The following TECRL variants were observed in gnomAD, a reference collection of about 807,000 sequenced individuals.
The protein encoded by TECRL is trans-2,3-enoyl-CoA reductase-like.
TECRL carries 63 observed loss-of-function variants against 52.8 expected under a neutral mutation model. That is an observed-to-expected ratio of 1.19 (90% CI 0.97 to 1.47). TECRL has a LOEUF of 1.47. Among genes scored for constraint, TECRL ranks in the 40% most tolerant of loss-of-function variants. The pLI is 0.00. For missense variants in TECRL, 482 were observed against 429.6 expected (o/e 1.12, Z -1.08); for synonymous variants, 164 against 141.9 (o/e 1.16, Z -1.10).
chr4:64,367,983 A>G (rs11131532), intron 2 of TECRL, among the ~76,000 whole-genome samples: 136,528 of 151,908 alleles, frequency 0.9, 62,012 homozygotes, highest in East Asian at 1. Flanking sequence ...GGGCATCAAC[A>G]CTACCAGGTT....
chr4:64,357,542 A>G (rs1488676982), intron 2 of TECRL, among the ~76,000 whole-genome samples: 1 of 151,544 alleles, frequency 6.6e-6, no homozygotes, highest in Non-Finnish European at 1.5e-5. Context: ...AAATTAATAT[A>G]AGTTTATCTG....
intron 1 of TECRL, among the ~76,000 whole-genome samples, chr4:64,385,949 A>AT (rs1342353439): frequency 1.3e-5 from 2 of 152,238 alleles, no homozygotes; most frequent in African/African-American, 4.8e-5. Flanking sequence ...CATGATTCAG[A>AT]GCTTTCATGC....
chr4:64,409,227 G>C lies in TECRL; in HGVS notation c.125C>G (p.Ser42Ter), dbSNP rs773204861. 1.5e-5 allele frequency: 25 copies of C among 1,613,778 alleles called. 1 individual carries two copies. Among genetic ancestry groups the C allele is most frequent in the Non-Finnish European group, 2.0e-5 (24 of 1,179,792 alleles). The change falls in exon 1 of 12, where the codon TCA (serine) becomes TGA (stop). Residue 42 changes from serine (S) to a stop codon, truncating the protein, a stop_gained. Coordinates refer to ENST00000381210, the MANE Select transcript of TECRL (RefSeq NM_001010874.5). LOFTEE classifies it high-confidence loss of function. ...TGGAGTTGGTCTTAGAGGGCCCGCTGAGAGTACAAGTTTTGACAAAAAGTG... is the reference window on the plus strand; with the variant it reads ...TGGAGTTGGTCTTAGAGGGCCCGCTCAGAGTACAAGTTTTGACAAAAAGTG... ...NFHFLSKLVLSAGPLRPTPAV... is the reference protein window; with the variant it reads ...NFHFLSKLVL
intron 7 of TECRL, among the ~76,000 whole-genome samples, chr4:64,301,417 C>T (rs567791937): frequency 3.3e-5 from 5 of 151,102 alleles, no homozygotes; most frequent in Non-Finnish European, 5.9e-5. Context: ...TTTATTTATA[C>T]CTACTATTCA....
intron 9 of TECRL, among the ~76,000 whole-genome samples, chr4:64,283,667 G>GA (rs1381513899): frequency 6.6e-6 from 1 of 152,064 alleles, no homozygotes; most frequent in African/African-American, 2.4e-5. Flanking sequence ...GAAGAGGGCA[G>GA]AAAAAGCTAA....
chr4:64,289,606 C>A, intron 9 of TECRL, 104 bp downstream of exon 9: 3 of 904,566 alleles, frequency 3.3e-6, no homozygotes, highest in South Asian at 1.9e-5. Context: ...CATGTATTTC[C>A]AACTATTGAT....
At chr4:64,346,535 C>T (rs542529312) in intron 2 of TECRL, among the ~76,000 whole-genome samples, 8 of 152,346 alleles carry the variant, frequency 5.3e-5, no homozygotes, top group South Asian at 4.1e-4. Context: ...TAGGGGCTTG[C>T]GCCCTCTGAA....
chr4:64,294,895 C>T (rs1723593554), intron 8 of TECRL, among the ~76,000 whole-genome samples: 1 of 151,948 alleles, frequency 6.6e-6, no homozygotes, highest in Non-Finnish European at 1.5e-5. Flanking sequence ...CTATTCTGAT[C>T]TTGGACAATT....
chr4:64,289,856 G>A, intron 8 of TECRL, 89 bp from the exon 9 acceptor site: 2 of 755,518 alleles, frequency 2.6e-6, no homozygotes, highest in East Asian at 6.7e-5. Context: ...AATCTGTGTT[G>A]TACATTAATC....
At chr4:64,354,648 G>A (rs1231308566) in intron 2 of TECRL, among the ~76,000 whole-genome samples, 1 of 152,182 alleles carries the variant, frequency 6.6e-6, no homozygotes, top group African/African-American at 2.4e-5. Flanking sequence ...GAAAGAATAA[G>A]GTTAGATGGA....
At chr4:64,299,950 G>T in intron 8 of TECRL, 24 bp downstream of exon 8, 2 of 1,472,296 alleles carry the variant, frequency 1.4e-6, no homozygotes, top group Admixed American at 2.1e-5. Flanking sequence ...AGCGTGAATA[G>T]CAAAATATAT....
intron 3 of TECRL, among the ~76,000 whole-genome samples, chr4:64,324,759 G>C (rs1000263590): frequency 1.3e-5 from 2 of 151,846 alleles, no homozygotes; most frequent in African/African-American, 4.8e-5. Context: ...ATTACTATTT[G>C]TAAAATACAT....
intron 1 of TECRL, among the ~76,000 whole-genome samples, chr4:64,404,248 AGAGAGCTCTT>A (rs1724564380): frequency 6.6e-6 from 1 of 150,868 alleles, no homozygotes; most frequent in South Asian, 2.1e-4. Context: ...AATAGGAGAA[AGAGAGCTCTT>A]GAGGTCAGGT....
intron 1 of TECRL, among the ~76,000 whole-genome samples, chr4:64,383,253 T>C (rs947644754): frequency 6.6e-6 from 1 of 152,112 alleles, no homozygotes; most frequent in African/African-American, 2.4e-5. Flanking sequence ...AATAATATCT[T>C]TTTGGTTGGA....
At position 64,333,371 on chromosome 4, in the gene TECRL, C is replaced by G. The variant is rs146301679; in HGVS notation, c.287-4815G>C. ...TTACTGTCAATAGAACACGTCTTTC[C>G]GTCATTAGATTAACATCTAAAGGAC... On this transcript the variant is annotated intron_variant, in intron 2 of 11. Coordinates refer to ENST00000381210, the MANE Select transcript of TECRL (RefSeq NM_001010874.5). 5.5e-3 allele frequency among the ~76,000 whole-genome samples: 834 copies of G among 152,000 alleles called. 10 individuals are homozygous for G. The highest frequency in any genetic ancestry group is 0.018 in the African/African-American group (759 of 41,480).
intron 1 of TECRL, among the ~76,000 whole-genome samples, chr4:64,378,204 C>T (rs866939470): frequency 6.6e-6 from 1 of 151,814 alleles, no homozygotes; most frequent in Non-Finnish European, 1.5e-5. Context: ...AGAAAATTGC[C>T]GAAAGAATCA....
rs1423375866 is a variant in TECRL at position 64,278,144 on chromosome 4, C to T, written c.*1928G>A. ...AAGATGTATAAATATAATTTACATA[C>T]AAATATAATCTATATATTTCAAAAT... On this transcript the variant is annotated 3_prime_UTR_variant, in exon 12 of 12. Transcript: ENST00000381210. 1 of 151,114 alleles carries T rather than the reference C, an allele frequency of 6.6e-6. No homozygotes were observed. Among genetic ancestry groups the T allele is most frequent in the Non-Finnish European group, 1.5e-5 (1 of 67,672 alleles). 9.4% of individuals were successfully genotyped at this position (151,114 alleles called of 1,614,324 possible). A position where few individuals can be genotyped will look rare whatever the true frequency, so the allele number is the denominator to read the frequency against.
At chr4:64,310,865 C>A (rs1234916814) in intron 5 of TECRL, among the ~76,000 whole-genome samples, 2 of 152,082 alleles carry the variant, frequency 1.3e-5, no homozygotes, top group Non-Finnish European at 2.9e-5. Flanking sequence ...ACTACAGGAC[C>A]ACACCGCCAT....
At chr4:64,385,847 G>A (rs1014773046) in intron 1 of TECRL, among the ~76,000 whole-genome samples, 11 of 152,100 alleles carry the variant, frequency 7.2e-5, no homozygotes, top group Non-Finnish European at 4.4e-5. Context: ...AGGATTAGAG[G>A]AGTCCATGGT....
Sources: allele counts gnomAD v4.1 joint callset (sites outside exome capture counted in the v4.1 genomes callset), GRCh38; gene constraint gnomAD v4.1.1; transcripts MANE v1.5; gene names NCBI Gene and HGNC (gene_info 2026-07-23, HGNC 2026-07-21).